EVI5: variants seen among roughly 807,000 people sequenced by gnomAD.
The protein encoded by EVI5 is ecotropic viral integration site 5.
Under a neutral mutation model 112.0 loss-of-function variants are expected in EVI5, and 73 were observed. That is an observed-to-expected ratio of 0.65 (90% CI 0.54 to 0.79). The LOEUF (loss-of-function observed/expected upper bound fraction) is 0.79, where lower values mean the gene tolerates loss of function less well. EVI5 is among the 30% of genes least tolerant of loss of function. The pLI is 0.00. For synonymous variants in EVI5, 305 were observed against 319.9 expected, an observed-to-expected ratio of 0.95 and a Z score of 0.50; for missense variants, 900 against 968.8, an observed-to-expected ratio of 0.93 and a Z score of 0.94.
intron 1 of EVI5, among the ~76,000 whole-genome samples, chr1:92,777,675 T>A (rs1417315069): frequency 2.6e-5 from 4 of 152,292 alleles, no homozygotes; most frequent in African/African-American, 9.6e-5. Flanking sequence ...AGTTTCTGTA[T>A]AATGGAAAGC....
At chr1:92,735,389 T>C (rs1204712524) in intron 2 of EVI5, among the ~76,000 whole-genome samples, 1 of 151,970 alleles carries the variant, frequency 6.6e-6, no homozygotes, top group Non-Finnish European at 1.5e-5. Flanking sequence ...ATAATGGAGA[T>C]GTTCATTTTC....
At chr1:92,734,892 T>C (rs535702897) in intron 2 of EVI5, among the ~76,000 whole-genome samples, 1 of 152,178 alleles carries the variant, frequency 6.6e-6, no homozygotes, top group East Asian at 1.9e-4. Flanking sequence ...CATAAAAAGA[T>C]GCTCAAAACC....
rs1392275484 is a variant in EVI5 at position 92,704,763 on chromosome 1, C to T, written c.150-19G>A. On this transcript the variant is annotated intron_variant, in intron 2 of 19. Coordinates refer to ENST00000684568, the MANE Select transcript of EVI5 (RefSeq NM_001350197.2). ...TAACAATCTAAAATATAATTAAAAA[C>T]TGTTCAAGATCTAATCGGACAGTGA... The T allele has an allele frequency of 1.5e-6, 2 of 1,319,632 alleles. No individual in the cohort carries two copies. Among genetic ancestry groups the T allele is most frequent in the East Asian group, 2.4e-5 (1 of 41,692 alleles). The allele number at this position is 1,319,632 out of a possible 1,614,324, so 81.7% of individuals were successfully genotyped here.
chr1:92,553,941 T>C (rs1362275320), intron 19 of EVI5, among the ~76,000 whole-genome samples: 1 of 152,224 alleles, frequency 6.6e-6, no homozygotes, highest in Non-Finnish European at 1.5e-5. Context: ...TTGAATAAGC[T>C]TGTATTTCCT....
rs1264575973 is a variant in EVI5, at chr1:92,785,053, TGCCAGCTG to T, written c.-307_-300del. On this transcript the variant is annotated 5_prime_UTR_variant, in exon 1 of 20. Transcript: ENST00000684568. Reference sequence around the variant, plus strand: ...GCTGTCGGAACTGCAGCCAGCCCCTTGCCAGCTGGCCAGCTGGTTCCTCCGGGGTCCGG... The same window carrying T: ...GCTGTCGGAACTGCAGCCAGCCCCTTGCCAGCTGGTTCCTCCGGGGTCCGG... 3 of 985,132 alleles carry T rather than the reference TGCCAGCTG, an allele frequency of 3.0e-6. No homozygotes were observed. The highest frequency in any genetic ancestry group is 4.7e-5 in the South Asian group (1 of 21,282). 61.0% of individuals were successfully genotyped at this position (985,132 alleles called of 1,614,324 possible).
intron 19 of EVI5, among the ~76,000 whole-genome samples, chr1:92,532,855 C>A (rs1194681063): frequency 1.3e-5 from 2 of 151,956 alleles, no homozygotes; most frequent in Non-Finnish European, 2.9e-5. Flanking sequence ...AATTGACACC[C>A]TAAAATCACA....
chr1:92,708,218 C>T (rs1347651892), intron 2 of EVI5, among the ~76,000 whole-genome samples: 1 of 151,576 alleles, frequency 6.6e-6, no homozygotes, highest in Non-Finnish European at 1.5e-5. Context: ...AGACAATCTA[C>T]AGAATGGGAG....
intron 19 of EVI5, among the ~76,000 whole-genome samples, chr1:92,549,050 A>G: frequency 6.6e-6 from 1 of 152,210 alleles, no homozygotes; most frequent in East Asian, 1.9e-4. Context: ...GTCAATCCTA[A>G]GCCAAAAGAA....
At chr1:92,673,842 GCTCA>G (rs1331983282) in intron 10 of EVI5, among the ~76,000 whole-genome samples, 1 of 152,114 alleles carries the variant, frequency 6.6e-6, no homozygotes, top group Non-Finnish European at 1.5e-5. Context: ...TTAACCGGGG[GCTCA>G]CTGACAGATA....
chr1:92,607,769 A>G, intron 16 of EVI5, 42 bp from the exon 17 acceptor site: 3 of 1,432,898 alleles, frequency 2.1e-6, no homozygotes, highest in Admixed American at 2.5e-5. Context: ...TAGATACAAG[A>G]CCTAAAAATT....
intron 18 of EVI5, among the ~76,000 whole-genome samples, chr1:92,566,691 T>C (rs1669536579): frequency 6.6e-6 from 1 of 152,120 alleles, no homozygotes; most frequent in South Asian, 2.1e-4. Context: ...GACAGCTCCA[T>C]GTGTAATACT....
intron 18 of EVI5, among the ~76,000 whole-genome samples, chr1:92,598,387 C>T (rs1394381886): frequency 2.0e-5 from 3 of 151,804 alleles, no homozygotes; most frequent in Admixed American, 2.0e-4. Context: ...ACCCCCACAT[C>T]TAAAATTTAA....
intron 19 of EVI5, among the ~76,000 whole-genome samples, chr1:92,542,212 A>G (rs1664928974): frequency 6.6e-6 from 1 of 152,184 alleles, no homozygotes; most frequent in African/African-American, 2.4e-5. Context: ...CTTTGTTGCC[A>G]TCTCAACAAT....
intron 19 of EVI5, among the ~76,000 whole-genome samples, chr1:92,516,771 T>C (rs930853209): frequency 2.0e-5 from 3 of 152,138 alleles, no homozygotes; most frequent in African/African-American, 4.8e-5. Context: ...CCTGGCTATC[T>C]GATCTAAATG....
intron 19 of EVI5, among the ~76,000 whole-genome samples, chr1:92,527,287 C>T (rs562248396): frequency 2.6e-5 from 4 of 151,624 alleles, no homozygotes; most frequent in East Asian, 1.9e-4. Flanking sequence ...AGGTGGCACA[C>T]GCCTGTACTC....
intron 1 of EVI5, among the ~76,000 whole-genome samples, chr1:92,759,231 A>G (rs1681435565): frequency 6.6e-6 from 1 of 152,238 alleles, no homozygotes. Context: ...AAAAAGAAAA[A>G]AAAGTAATTC....
intron 10 of EVI5, among the ~76,000 whole-genome samples, chr1:92,672,791 A>C (rs762539634): frequency 5.3e-5 from 8 of 152,188 alleles, no homozygotes. Flanking sequence ...TGTAGCCATT[A>C]GTTTTTTTAA....
At chr1:92,553,482 T>G (rs1667268794) in intron 19 of EVI5, among the ~76,000 whole-genome samples, 1 of 152,052 alleles carries the variant, frequency 6.6e-6, no homozygotes. Context: ...TTTGTATTTT[T>G]AGTAGAGACA....
At chr1:92,620,198 G>C (rs575565391) in intron 16 of EVI5, among the ~76,000 whole-genome samples, 2 of 152,132 alleles carry the variant, frequency 1.3e-5, no homozygotes, top group Admixed American at 1.3e-4. Context: ...TACAAAATTA[G>C]CCAGGTGTGG....
Sources: allele counts gnomAD v4.1 joint callset (sites outside exome capture counted in the v4.1 genomes callset), GRCh38; gene constraint gnomAD v4.1.1; transcripts MANE v1.5; gene names NCBI Gene and HGNC (gene_info 2026-07-23, HGNC 2026-07-21).